Variants in DUSP8 observed in about 807,000 individuals in gnomAD.
DUSP8 encodes dual specificity phosphatase 8.
In DUSP8, 15 loss-of-function variants were observed where a neutral mutation model predicts 38.7. The observed-to-expected ratio is 0.39, with a 90% confidence interval of 0.26 to 0.60. The LOEUF is 0.60. Ranked by LOEUF, DUSP8 falls within the 20% of genes least tolerant of loss-of-function variation. The pLI, the probability that DUSP8 is intolerant of heterozygous loss-of-function variation, is 0.56. For missense variants in DUSP8, 768 were observed against 915.0 expected, an observed-to-expected ratio of 0.84 and a Z score of 2.07; for synonymous variants, 458 against 433.9, an observed-to-expected ratio of 1.06 and a Z score of -0.69.
At position 1,558,818 on chromosome 11, in the gene DUSP8, G is replaced by A. The variant is rs893349664; in HGVS notation, c.537+71C>T. 24 of 1,510,940 alleles carry A rather than the reference G, an allele frequency of 1.6e-5. No homozygotes were observed. The highest frequency in any genetic ancestry group is 1.9e-5 in the Non-Finnish European group (21 of 1,120,122). 93.6% of individuals were successfully genotyped at this position (1,510,940 alleles called of 1,614,324 possible). On this transcript the variant is annotated intron_variant, in intron 4 of 6. Coordinates refer to ENST00000397374, the MANE Select transcript of DUSP8 (RefSeq NM_004420.3). The surrounding 1 kb of genome is among the most constrained non-coding windows in gnomAD (Gnocchi z 6.3). The stretch of plus-strand genomic sequence containing the variant: ...CCTTTCCTCCCTCATCCCCCGCTCC[G>A]CTGCCAAGCTGCTTCTGGAGCTCCT...
At chr11:1,560,234 G>GGGGAGTGACGGC (rs1848696322) in intron 3 of DUSP8, among the ~76,000 whole-genome samples, 1 of 152,178 alleles carries the variant, frequency 6.6e-6, no homozygotes, top group Admixed American at 6.5e-5. Flanking sequence ...GGACGGGGCA[G>GGGGAGTGACGGC]GGGAGTGACG....
At position 1,563,945 on chromosome 11, in the gene DUSP8, G is replaced by A. The variant is rs1275357085; in HGVS notation, c.276C>T (p.Ser92=). 1.9e-6 allele frequency: 3 copies of A among 1,539,706 alleles called. No individual in the cohort carries two copies. The highest frequency in any genetic ancestry group is 2.6e-6 in the Non-Finnish European group (3 of 1,140,386). The change falls in exon 3 of 7, where the codon AGC becomes AGT. Residue 92 remains serine (S), a synonymous_variant. Coordinates refer to ENST00000397374, the MANE Select transcript of DUSP8 (RefSeq NM_004420.3). The part of the protein sequence containing the change: ...EPQDVVVYDQ[S]TRDASVLAAD... The stretch of plus-strand genomic sequence containing the variant: ...CGGCCAGCACGCTGGCGTCCCGCGT[G>A]CTCTGGTCATAGACCACCACGTCCT...
At chr11:1,563,755 C>T (rs966572589) in intron 3 of DUSP8, 96 bp downstream of exon 3, 10 of 1,303,542 alleles carry the variant, frequency 7.7e-6, no homozygotes, top group African/African-American at 7.5e-5. Flanking sequence ...GAGATCCCCC[C>T]GTGCCCAGCG....
chr11:1,569,306 C>T (rs1399098939), intron 1 of DUSP8, among the ~76,000 whole-genome samples: 1 of 152,084 alleles, frequency 6.6e-6, no homozygotes. Context: ...TTCCAGGAGG[C>T]ACCAGGCCGC....
chr11:1,556,308 T>G lies in DUSP8; in HGVS notation c.*210A>C. Reference sequence around the variant, plus strand: ...TTGCTTAGAAACGTATGTTTCAGTTTAAATACCAGACAGTAAAAATAGAGC... The same window carrying G: ...TTGCTTAGAAACGTATGTTTCAGTTGAAATACCAGACAGTAAAAATAGAGC... On this transcript the variant is annotated 3_prime_UTR_variant, in exon 7 of 7. Coordinates refer to ENST00000397374, the MANE Select transcript of DUSP8 (RefSeq NM_004420.3). The surrounding 1 kb of genome is among the most constrained non-coding windows in gnomAD (Gnocchi z 5.2). The G allele has an allele frequency of 3.2e-6, 2 of 618,188 alleles. No homozygotes were observed. Among genetic ancestry groups the G allele is most frequent in the Non-Finnish European group, 4.6e-6 (2 of 431,264 alleles). 38.3% of individuals were successfully genotyped at this position (618,188 alleles called of 1,614,324 possible). A position where few individuals can be genotyped will look rare whatever the true frequency, so the allele number is the denominator to read the frequency against.
chr11:1,572,433 G>C (rs980902051), upstream of DUSP8, among the ~76,000 whole-genome samples: 2 of 150,104 alleles, frequency 1.3e-5, no homozygotes, highest in Non-Finnish European at 3.0e-5. The surrounding 1 kb of genome is among the most constrained non-coding windows in gnomAD (Gnocchi z 4.7). Context: ...CTGCCGCGGG[G>C]GGGGGGCGGG....
chr11:1,562,110 G>A (rs12419687), intron 3 of DUSP8, among the ~76,000 whole-genome samples: 3 of 152,080 alleles, frequency 2.0e-5, no homozygotes, highest in East Asian at 1.9e-4. Context: ...GCACAGGCCC[G>A]GCCCCTCCCA....
rs920307840 is a variant in DUSP8, at chr11:1,558,466, C to CG, written c.538-196dup. Among the ~76,000 whole-genome samples the CG allele has an allele frequency of 6.8e-6, 1 of 147,044 alleles. No individual in the cohort carries two copies. Among genetic ancestry groups the CG allele is most frequent in the Non-Finnish European group, 1.5e-5 (1 of 67,034 alleles). On this transcript the variant is annotated intron_variant, in intron 4 of 6. Transcript: ENST00000397374. This position sits in a 1 kb window ranked among gnomAD's most constrained non-coding sequence, Gnocchi z 6.3. The stretch of plus-strand genomic sequence containing the variant: ...TCCACCCTGGCACCCTGGGCCCGTG[C>CG]GGGGGGTGGGGCACGGCTGGCCTCC...
chr11:1,570,871 C>T (rs372244255), intron 1 of DUSP8, among the ~76,000 whole-genome samples: 30 of 152,176 alleles, frequency 2.0e-4, no homozygotes, highest in African/African-American at 6.7e-4. Context: ...GGGAGAGTGC[C>T]GGGGTTTGGA....
chr11:1,554,627 C>A lies in DUSP8; in HGVS notation c.*1891G>T, dbSNP rs1191322457. ...CCCCCTCAACGGCCTGCAGAAGGGA[C>A]AAGGGGAAGGGGGAAGGGAGAAGGG... On this transcript the variant is annotated 3_prime_UTR_variant, in exon 7 of 7. Coordinates refer to ENST00000397374, the MANE Select transcript of DUSP8 (RefSeq NM_004420.3). The A allele has an allele frequency of 8.1e-6, 8 of 987,208 alleles. No homozygotes were observed. Among genetic ancestry groups the A allele is most frequent in the African/African-American group, 3.5e-5 (2 of 57,242 alleles). The allele number at this position is 987,208 out of a possible 1,614,324, so 61.2% of individuals were successfully genotyped here. A position where few individuals can be genotyped will look rare whatever the true frequency, so the allele number is the denominator to read the frequency against.
rs1848599817 is a variant in DUSP8, at chr11:1,554,990, G to A, written c.*1528C>T. The A allele has an allele frequency of 5.1e-6, 5 of 986,304 alleles. No individual in the cohort carries two copies. Among genetic ancestry groups the A allele is most frequent in the African/African-American group, 1.7e-5 (1 of 57,236 alleles). 61.1% of individuals were successfully genotyped at this position (986,304 alleles called of 1,614,324 possible). A position where few individuals can be genotyped will look rare whatever the true frequency, so the allele number is the denominator to read the frequency against. On this transcript the variant is annotated 3_prime_UTR_variant, in exon 7 of 7. Transcript: ENST00000397374. ...AGAAGAACAAATAGAAGAAACAGCA[G>A]AGAGGGCGGCTGGCTGGGGCGGGAT...
rs1848674279 is a variant in DUSP8 at position 1,558,768 on chromosome 11, C to A, written c.537+121G>T. On this transcript the variant is annotated intron_variant, in intron 4 of 6. Coordinates refer to ENST00000397374, the MANE Select transcript of DUSP8 (RefSeq NM_004420.3). The surrounding 1 kb of genome is among the most constrained non-coding windows in gnomAD (Gnocchi z 6.3). ...GGCCCCCACCCATGCTTCTCCCACA[C>A]CCAGCTCATCCACTGCCTTCAGCTC... 1.6e-6 allele frequency: 2 copies of A among 1,247,936 alleles called. No homozygotes were observed. The highest frequency in any genetic ancestry group is 2.3e-5 in the Admixed American group (1 of 42,988). 77.3% of individuals were successfully genotyped at this position (1,247,936 alleles called of 1,614,324 possible).
intron 3 of DUSP8, among the ~76,000 whole-genome samples, chr11:1,560,174 T>C (rs1848695534): frequency 6.6e-6 from 1 of 152,142 alleles, no homozygotes. Flanking sequence ...AGCCGGCTCC[T>C]GCTTGTGCAG....
rs1848624039 is a variant in DUSP8 at position 1,556,430 on chromosome 11, A to G, written c.*88T>C. On this transcript the variant is annotated 3_prime_UTR_variant, in exon 7 of 7. Transcript: ENST00000397374. This position sits in a 1 kb window ranked among gnomAD's most constrained non-coding sequence, Gnocchi z 5.2. ...TTTACTTCTCGATAAAAATCCCAGT[A>G]AAACCATTTACCTTTCTTTGCATTA... is the stretch of plus-strand genomic sequence containing the variant. 1 of 1,227,978 alleles carries G rather than the reference A, an allele frequency of 8.1e-7. No individual in the cohort carries two copies. Among genetic ancestry groups the G allele is most frequent in the African/African-American group, 1.6e-5 (1 of 64,428 alleles). The allele number at this position is 1,227,978 out of a possible 1,614,324, so 76.1% of individuals were successfully genotyped here. A position where few individuals can be genotyped will look rare whatever the true frequency, so the allele number is the denominator to read the frequency against.
In DUSP8 at chr11:1,558,575, G is replaced by A. The variant is rs893159297; in HGVS notation, c.538-304C>T. Among the ~76,000 whole-genome samples, 1 of 152,090 alleles carries A rather than the reference G, an allele frequency of 6.6e-6. No individual in the cohort carries two copies. Among genetic ancestry groups the A allele is most frequent in the African/African-American group, 2.4e-5 (1 of 41,422 alleles). On this transcript the variant is annotated intron_variant, in intron 4 of 6. Coordinates refer to ENST00000397374, the MANE Select transcript of DUSP8 (RefSeq NM_004420.3). This position sits in a 1 kb window ranked among gnomAD's most constrained non-coding sequence, Gnocchi z 6.3. ...GTGGTGGCTTTTACCCTTTTCCCTCGTCACCATTTTTAAAACATGGGATTC... is the reference window on the plus strand; with the variant it reads ...GTGGTGGCTTTTACCCTTTTCCCTCATCACCATTTTTAAAACATGGGATTC...
At chr11:1,561,708 A>G (rs1426585984) in intron 3 of DUSP8, among the ~76,000 whole-genome samples, 1 of 152,198 alleles carries the variant, frequency 6.6e-6, no homozygotes, top group African/African-American at 2.4e-5. Context: ...CTTGGTCCTC[A>G]CATTCCGGCC....
chr11:1,556,659 CG>C lies in DUSP8; in HGVS notation c.1736del (p.Pro579ArgfsTer85). On this transcript the variant is annotated frameshift_variant, in exon 7 of 7. Coordinates refer to ENST00000397374, the MANE Select transcript of DUSP8 (RefSeq NM_004420.3). LOFTEE classifies it high-confidence loss of function. The surrounding 1 kb of genome is among the most constrained non-coding windows in gnomAD (Gnocchi z 5.2). Reference protein sequence around the residue: ...ARTGWPEEPAPETQFKRRSCQ... With the variant: ...ARTGWPEEPAXETQFKRRSCQ... ...AGCTGCGGCGCTTGAACTGCGTCTCCGGGGCCGGCTCCTCGGGCCAGCCGGT... is the reference window on the plus strand; with the variant it reads ...AGCTGCGGCGCTTGAACTGCGTCTCCGGGCCGGCTCCTCGGGCCAGCCGGT... 2.9e-6 allele frequency: 4 copies of C among 1,393,408 alleles called. No individual in the cohort carries two copies. Among genetic ancestry groups the C allele is most frequent in the Non-Finnish European group, 2.8e-6 (3 of 1,068,118 alleles). 86.3% of individuals were successfully genotyped at this position (1,393,408 alleles called of 1,614,324 possible). A position where few individuals can be genotyped will look rare whatever the true frequency, so the allele number is the denominator to read the frequency against.
At position 1,565,953 on chromosome 11, in the gene DUSP8, G is replaced by T; in HGVS notation, c.-108-19C>A. ...GCTGGACCTGCAGGGACAGGGGGAT[G>T]GTCAGCAGTGCTGCGGGCCCCTGGG... On this transcript the variant is annotated intron_variant, in intron 1 of 6. Transcript: ENST00000397374. 1 of 795,594 alleles carries T rather than the reference G, an allele frequency of 1.3e-6. No individual in the cohort carries two copies. 49.3% of individuals were successfully genotyped at this position (795,594 alleles called of 1,614,324 possible).
intron 3 of DUSP8, among the ~76,000 whole-genome samples, chr11:1,561,112 AGT>A (rs1213644498): frequency 1.3e-5 from 2 of 152,032 alleles, no homozygotes; most frequent in Non-Finnish European, 2.9e-5. Context: ...TCTGGGGGTG[AGT>A]GATAAGTGAG....
Sources: gnomAD v4.1 joint callset for allele counts (sites outside exome capture counted in the v4.1 genomes callset) on GRCh38, gnomAD v4.1.1 for gene constraint, Gnocchi (gnomAD v3.1) non-coding constraint, MANE v1.5 for transcripts, NCBI Gene and HGNC (gene_info 2026-07-23, HGNC 2026-07-21) for gene names.